The following TMC1 variants were observed in gnomAD, a reference collection of about 807,000 sequenced individuals.
The protein encoded by TMC1 is transmembrane channel-like protein 1.
Under a neutral mutation model 105.8 loss-of-function variants are expected in TMC1, and 84 were observed. The ratio of observed to expected loss-of-function variants is 0.79; its 90% CI spans 0.67 to 0.95. TMC1 has a LOEUF of 0.95. Among genes scored for constraint, TMC1 ranks in the 40% least tolerant of loss-of-function variants. The pLI is 0.00. For synonymous variants in TMC1, 315 were observed against 311.5 expected (o/e 1.01, Z -0.12); for missense variants, 817 against 914.1 (o/e 0.89, Z 1.37).
intron 8 of TMC1, among the ~76,000 whole-genome samples, chr9:72,735,296 G>A (rs926760729): frequency 6.6e-6 from 1 of 152,132 alleles, no homozygotes; most frequent in Non-Finnish European, 1.5e-5. Flanking sequence ...CATTTGGATG[G>A]TTTGAGGCCA....
Position 72,694,524 on chromosome 9 carries a change from A to C in TMC1, c.65-19A>C. The stretch of plus-strand genomic sequence containing the variant: ...AAGCACTTTCTGACATTACTCATTG[A>C]ATCAAGTGCTATGTTTAGGTGAAGA... On this transcript the variant is annotated intron_variant, in intron 6 of 23. Coordinates refer to ENST00000297784, the MANE Select transcript of TMC1 (RefSeq NM_138691.3). The C allele has an allele frequency of 6.2e-7, 1 of 1,609,678 alleles. No individual in the cohort carries two copies. Among genetic ancestry groups the C allele is most frequent in the Non-Finnish European group, 8.5e-7 (1 of 1,177,270 alleles).
intron 2 of TMC1, among the ~76,000 whole-genome samples, chr9:72,601,195 G>GACACACACACAC (rs71357599): frequency 6.4e-5 from 6 of 93,620 alleles, no homozygotes; most frequent in African/African-American, 1.3e-4. Flanking sequence ...CACACACACA[G>GACACACACACAC]ACACACACAC....
chr9:72,742,803 A>T (rs1232793183), intron 10 of TMC1, among the ~76,000 whole-genome samples: 1 of 152,254 alleles, frequency 6.6e-6, no homozygotes, highest in Admixed American at 6.5e-5. Flanking sequence ...CTATACAGGG[A>T]AGTCACTATT....
chr9:72,646,986 A>T (rs1215456872), intron 4 of TMC1, among the ~76,000 whole-genome samples: 2 of 151,964 alleles, frequency 1.3e-5, no homozygotes, highest in Admixed American at 1.3e-4. Flanking sequence ...TACTGAAAAT[A>T]CAAAAATTAG....
chr9:72,730,352 G>T (rs1311716167), intron 8 of TMC1, among the ~76,000 whole-genome samples: 1 of 152,130 alleles, frequency 6.6e-6, no homozygotes, highest in Non-Finnish European at 1.5e-5. Context: ...GCAGGAGAAG[G>T]TCAGAGAGAC....
In TMC1 at chr9:72,582,148, G is replaced by A. The variant is rs140581443; in HGVS notation, c.-306+4125G>A. ...AATTTTGTACTTTTAGTGGAGATGG[G>A]GTTTCTCCATCTTGGTCAGGCTGGT... is the stretch of plus-strand genomic sequence containing the variant. On this transcript the variant is annotated intron_variant, in intron 2 of 23. Coordinates refer to ENST00000297784, the MANE Select transcript of TMC1 (RefSeq NM_138691.3). Among the ~76,000 whole-genome samples, 604 of 152,184 alleles carry A rather than the reference G, an allele frequency of 4.0e-3. 4 individuals are homozygous for A. The highest frequency in any genetic ancestry group is 0.014 in the African/African-American group (587 of 41,526).
chr9:72,759,420 G>C (rs1051318243), intron 12 of TMC1, among the ~76,000 whole-genome samples: 1 of 152,202 alleles, frequency 6.6e-6, no homozygotes, highest in Non-Finnish European at 1.5e-5. Flanking sequence ...GTCTGAAGCT[G>C]AAACAGCTTA....
At chr9:72,580,609 A>C (rs1198470385) in intron 2 of TMC1, among the ~76,000 whole-genome samples, 2 of 152,244 alleles carry the variant, frequency 1.3e-5, no homozygotes, top group African/African-American at 4.8e-5. Flanking sequence ...CCACACATAC[A>C]AGCACATACA....
intron 1 of TMC1, among the ~76,000 whole-genome samples, chr9:72,527,975 C>G (rs1355412161): frequency 2.6e-5 from 4 of 152,176 alleles, no homozygotes; most frequent in African/African-American, 9.7e-5. Flanking sequence ...CCCCCCTCCC[C>G]GACTCCAGAA....
chr9:72,759,667 C>A (rs1287035265), intron 12 of TMC1, among the ~76,000 whole-genome samples: 1 of 152,148 alleles, frequency 6.6e-6, no homozygotes, highest in Non-Finnish European at 1.5e-5. Context: ...CTACTAGGAG[C>A]CACTGAGATG....
At chr9:72,746,019 A>G (rs1003523754) in intron 10 of TMC1, among the ~76,000 whole-genome samples, 2 of 152,228 alleles carry the variant, frequency 1.3e-5, no homozygotes, top group Non-Finnish European at 2.9e-5. Context: ...AATCCTCAAA[A>G]ATTTGAATGC....
rs552346386 is a variant in TMC1 at position 72,622,774 on chromosome 9, G to A, written c.-195-5147G>A. Among the ~76,000 whole-genome samples, 5 of 152,178 alleles carry A rather than the reference G, an allele frequency of 3.3e-5. No homozygotes were observed. In the East Asian group the frequency reaches 9.7e-4, roughly 29 times the overall value. On this transcript the variant is annotated intron_variant, in intron 3 of 23. Transcript: ENST00000297784. ...TTGTTTGAAAGCGTTTTATTGGCTG[G>A]GTGTGGTGGTTCATGCCTGTAATCC...
At chr9:72,715,104 C>A (rs1375241331) in intron 8 of TMC1, among the ~76,000 whole-genome samples, 1 of 152,170 alleles carries the variant, frequency 6.6e-6, no homozygotes, top group Non-Finnish European at 1.5e-5. Context: ...TGTCTTCTGG[C>A]TTGTAGGGTT....
chr9:72,579,025 C>T (rs968838113), intron 2 of TMC1, among the ~76,000 whole-genome samples: 2 of 152,156 alleles, frequency 1.3e-5, no homozygotes, highest in Admixed American at 6.5e-5. Flanking sequence ...CTGGAATTCT[C>T]CCAGTTTCTT....
chr9:72,606,982 CATAT>C lies in TMC1; in HGVS notation c.-305-9368_-305-9365del, dbSNP rs144223921. ...ATGTATGTATGTATGTGTGTGTGTG[CATAT>C]ATATATATATATATATAGAGAGAGA... On this transcript the variant is annotated intron_variant, in intron 2 of 23. Transcript: ENST00000297784. 5.0e-3 allele frequency among the ~76,000 whole-genome samples: 715 copies of C among 142,022 alleles called. 3 individuals carry two copies. The highest frequency in any genetic ancestry group is 0.016 in the African/African-American group (589 of 37,888). The allele number at this position is 142,022 out of a possible 152,430, so 93.2% of individuals were successfully genotyped here.
In TMC1 at chr9:72,805,378, A is replaced by T; in HGVS notation, c.1567-4A>T. 6.2e-7 allele frequency: 1 copy of T among 1,613,826 alleles called. No homozygotes were observed. The highest frequency in any genetic ancestry group is 2.2e-5 in the East Asian group (1 of 44,856). On this transcript the variant is annotated splice_polypyrimidine_tract_variant and splice_region_variant and intron_variant, in intron 17 of 23. Transcript: ENST00000297784. ...GTGTTTTAATAGAGATAATATCTCA[A>T]CAGGAGTTTGTGAGGCTGACAGTCT...
chr9:72,557,641 A>G (rs1283193240), intron 1 of TMC1, among the ~76,000 whole-genome samples: 1 of 152,232 alleles, frequency 6.6e-6, no homozygotes, highest in Non-Finnish European at 1.5e-5. Context: ...CTTCAGAGGC[A>G]GCATGTCTCA....
chr9:72,731,071 ATTTGTTGAAATTC>A, intron 8 of TMC1, among the ~76,000 whole-genome samples: 1 of 152,316 alleles, frequency 6.6e-6, no homozygotes. Context: ...TTCAATTAGC[ATTTGTTGAAATTC>A]ACATCTATGC....
intron 1 of TMC1, among the ~76,000 whole-genome samples, chr9:72,574,202 C>A (rs1824336649): frequency 6.6e-6 from 1 of 152,122 alleles, no homozygotes; most frequent in Non-Finnish European, 1.5e-5. Context: ...TCTTTGGAAA[C>A]AAAGCATTTT....
Sources: gnomAD v4.1 joint callset for allele counts (sites outside exome capture counted in the v4.1 genomes callset) on GRCh38, gnomAD v4.1.1 for gene constraint, MANE v1.5 for transcripts, NCBI Gene and HGNC (gene_info 2026-07-23, HGNC 2026-07-21) for gene names.